The following MYH6 variants were observed in gnomAD, a reference collection of about 807,000 sequenced individuals.
The protein encoded by MYH6 is myosin-6.
A neutral mutation model predicts 223.2 loss-of-function variants in MYH6; 126 were observed. The ratio of observed to expected loss-of-function variants is 0.56; its 90% CI spans 0.49 to 0.65. The LOEUF (loss-of-function observed/expected upper bound fraction) is 0.65. MYH6 is among the 30% of genes least tolerant of loss of function. The pLI, the probability that MYH6 is intolerant of heterozygous loss-of-function variation, is 0.00. For missense variants in MYH6, 2,040 were observed against 2,536.4 expected (o/e 0.80, Z 4.20); for synonymous variants, 978 against 1,010.2 (o/e 0.97, Z 0.61).
At position 23,397,955 on chromosome 14, in the gene MYH6, C is replaced by CTTCTTCTTCTTT. The variant is rs1566512474; in HGVS notation, c.1892-343_1892-342insAAAGAAGAAGAA. 4.3e-3 allele frequency among the ~76,000 whole-genome samples: 414 copies of CTTCTTCTTCTTT among 96,886 alleles called. 8 individuals are homozygous for CTTCTTCTTCTTT. Among genetic ancestry groups the CTTCTTCTTCTTT allele is most frequent in the African/African-American group, 7.3e-3 (174 of 23,702 alleles). 63.6% of individuals were successfully genotyped at this position (96,886 alleles called of 152,430 possible). A position where few individuals can be genotyped will look rare whatever the true frequency, so the allele number is the denominator to read the frequency against. ...TCCTCTTCTTCTTCTTCTTCTTCTTCTTCTTCTTCTTCTTCTTCTTCTTCT... is the reference window on the plus strand; with the variant it reads ...TCCTCTTCTTCTTCTTCTTCTTCTTCTTCTTCTTCTTTTTCTTCTTCTTCTTCTTCTTCTTCT... On this transcript the variant is annotated intron_variant, in intron 15 of 38. Coordinates refer to ENST00000405093, the MANE Select transcript of MYH6 (RefSeq NM_002471.4).
In MYH6 at chr14:23,401,826, G is replaced by A. The variant is rs375362408; in HGVS notation, c.1141+638C>T. On this transcript the variant is annotated intron_variant, in intron 12 of 38. Transcript: ENST00000405093. The stretch of plus-strand genomic sequence containing the variant: ...CAACATGGGTATTTCTCTGTTTAGA[G>A]GAGGAGTTATTTGGTGTAATTTCAA... Among the ~76,000 whole-genome samples, 17 of 152,336 alleles carry A rather than the reference G, an allele frequency of 1.1e-4. No homozygotes were observed. The East Asian group carries it at 2.1e-3, about 19-fold the overall frequency.
intron 25 of MYH6, among the ~76,000 whole-genome samples, chr14:23,391,197 T>C (rs1891227535): frequency 6.6e-6 from 1 of 152,308 alleles, no homozygotes. Context: ...AAACGGGGGT[T>C]CAGTGGAAAT....
chr14:23,392,159 C>T (rs1004009530), intron 25 of MYH6, among the ~76,000 whole-genome samples: 2 of 150,866 alleles, frequency 1.3e-5, no homozygotes, highest in South Asian at 2.1e-4. Flanking sequence ...GGGTTAGTAC[C>T]GGGAAGAATA....
In MYH6 at chr14:23,407,444, T is replaced by C. The variant is rs1891825390; in HGVS notation, c.-14+132A>G. 2.6e-6 allele frequency: 3 copies of C among 1,149,708 alleles called. No individual in the cohort carries two copies. Among genetic ancestry groups the C allele is most frequent in the Non-Finnish European group, 2.4e-6 (2 of 840,678 alleles). The allele number at this position is 1,149,708 out of a possible 1,614,324, so 71.2% of individuals were successfully genotyped here. On this transcript the variant is annotated intron_variant, in intron 2 of 38. Transcript: ENST00000405093. This position sits in a 1 kb window ranked among gnomAD's most constrained non-coding sequence, Gnocchi z 5.6. The stretch of plus-strand genomic sequence containing the variant: ...GGACAATCTCTGTAAGGGGTTTCCC[T>C]GGGGTGGCATTGGCTGGAGTATGCT...
intron 10 of MYH6, 22 bp downstream of exon 10, chr14:23,403,326 G>A: frequency 6.3e-7 from 1 of 1,590,300 alleles, no homozygotes; most frequent in South Asian, 1.1e-5. Context: ...AGCAGTGGGT[G>A]GGGGGTGGCA....
chr14:23,399,154 G>A, intron 14 of MYH6, 117 bp from the exon 15 acceptor site: 2 of 1,273,374 alleles, frequency 1.6e-6, no homozygotes, highest in Non-Finnish European at 2.3e-6. Flanking sequence ...CTGCTGAAGG[G>A]GCGCTGTGCT....
At position 23,384,490 on chromosome 14, in the gene MYH6, C is replaced by T. The variant is rs906136450; in HGVS notation, c.5517G>A (p.Val1839=). The stretch of plus-strand genomic sequence containing the variant: ...GCCGCTCGCTCTTCCTCATGCCCTT[C>T]ACCGACTCTGCGTTGCGCTTCTGCT... ...EAEQKRNAES[V]KGMRKSERRI... Residue 1839 remains valine (V), a synonymous_variant, in exon 36 of 39, where the codon GTG becomes GTA. Transcript: ENST00000405093. The T allele has an allele frequency of 6.2e-7, 1 of 1,612,960 alleles. No homozygotes were observed. The highest frequency in any genetic ancestry group is 1.3e-5 in the African/African-American group (1 of 75,060).
rs538318997 is a variant in MYH6, at chr14:23,403,453, T to G, written c.800-7A>C. 81 of 1,610,394 alleles carry G rather than the reference T, an allele frequency of 5.0e-5. No homozygotes were observed. The South Asian group carries it at 6.3e-4, about 12-fold the overall frequency. The stretch of plus-strand genomic sequence containing the variant: ...CGGGACTTCTCCAGCAGGTCTGAGG[T>G]GGGTGGAGGGGAGGAAGGCAGGTGA... On this transcript the variant is annotated splice_polypyrimidine_tract_variant and splice_region_variant and intron_variant, in intron 9 of 38. Coordinates refer to ENST00000405093, the MANE Select transcript of MYH6 (RefSeq NM_002471.4).
Position 23,403,334 on chromosome 14 carries a change from G to A in MYH6, c.898+14C>T. On this transcript the variant is annotated intron_variant, in intron 10 of 38. Coordinates refer to ENST00000405093, the MANE Select transcript of MYH6 (RefSeq NM_002471.4). ...CAGGGACAGCAGTGGGTGGGGGGTG[G>A]CAGGCAGGTTCACCCAGCAACTCCG... The A allele has an allele frequency of 6.2e-7, 1 of 1,604,520 alleles. No individual in the cohort carries two copies. The highest frequency in any genetic ancestry group is 8.5e-7 in the Non-Finnish European group (1 of 1,171,368).
chr14:23,397,641 C>T (rs1177453457), intron 15 of MYH6, 28 bp from the exon 16 acceptor site: 3 of 1,612,120 alleles, frequency 1.9e-6, no homozygotes, highest in Non-Finnish European at 2.5e-6. Context: ...AAATAATCAA[C>T]AGGAGCTGGA....
chr14:23,399,954 T>C, intron 14 of MYH6: 1 of 446,280 alleles, frequency 2.2e-6, no homozygotes, highest in Admixed American at 3.4e-5. Context: ...CAGCCTAGGA[T>C]CTTTCCATGA....
chr14:23,396,111 AAAAAAGAAG>A (rs565893614), intron 20 of MYH6, among the ~76,000 whole-genome samples, 164 bp downstream of exon 20: 3,236 of 150,650 alleles, frequency 0.021, 50 homozygotes, highest in Non-Finnish European at 0.035. Context: ...TTTAAAAAAA[AAAAAAGAAG>A]AAGAAGAAGA....
In MYH6 at chr14:23,397,166, T is replaced by G; in HGVS notation, c.2050+4A>C. On this transcript the variant is annotated splice_donor_region_variant and intron_variant, in intron 17 of 38. Coordinates refer to ENST00000405093, the MANE Select transcript of MYH6 (RefSeq NM_002471.4). The stretch of plus-strand genomic sequence containing the variant: ...CCCCAGACTAAGGTCTTCTCCTGGC[T>G]CACCTGGAGCCTTCCGCTCATTGGG... 6.2e-7 allele frequency: 1 copy of G among 1,614,192 alleles called. No individual in the cohort carries two copies. Among genetic ancestry groups the G allele is most frequent in the South Asian group, 1.1e-5 (1 of 91,086 alleles).
In MYH6 at chr14:23,385,019, T is replaced by C. The variant is rs1890978268; in HGVS notation, c.5186A>G (p.Lys1729Arg). The C allele has an allele frequency of 6.2e-7, 1 of 1,614,226 alleles. No individual in the cohort carries two copies. Among genetic ancestry groups the C allele is most frequent in the Non-Finnish European group, 8.5e-7 (1 of 1,180,032 alleles). ...HSQNTSLINQKKKMESDLTQL... is the reference protein window; with the variant it reads ...HSQNTSLINQRKKMESDLTQL... ...GGTCAGATCCGACTCCATCTTCTTC[T>C]TCTGGTTGATGAGGCTGGTGTTCTA... The change falls in exon 35 of 39, where the codon AAG (lysine) becomes AGG (arginine). Residue 1729 changes from lysine to arginine, a missense_variant. Coordinates refer to ENST00000405093, the MANE Select transcript of MYH6 (RefSeq NM_002471.4).
chr14:23,385,835 G>A, intron 34 of MYH6, 93 bp downstream of exon 34: 2 of 1,553,822 alleles, frequency 1.3e-6, no homozygotes, highest in Non-Finnish European at 1.8e-6. Context: ...TGTGACCCTG[G>A]CTAGATGTGC....
At position 23,388,074 on chromosome 14, in the gene MYH6, G is replaced by A. The variant is rs532833638; in HGVS notation, c.4359+81C>T. 25 of 1,610,124 alleles carry A rather than the reference G, an allele frequency of 1.6e-5. No homozygotes were observed. The East Asian group carries it at 5.4e-4, about 34-fold the overall frequency. On this transcript the variant is annotated intron_variant, in intron 30 of 38. Transcript: ENST00000405093. ...CTTAGCCCTCCTCCTCCACCTCCAA[G>A]GAGGTTGCCTTTGGCCTCTCACTGA...
chr14:23,402,906 G>A (rs1015561948), intron 10 of MYH6, 106 bp from the exon 11 acceptor site: 5 of 793,830 alleles, frequency 6.3e-6, no homozygotes, highest in South Asian at 2.9e-5. Flanking sequence ...GGTAAGGGAC[G>A]GGGTGAATGG....
At chr14:23,403,856 G>T in intron 8 of MYH6, 78 bp from the exon 9 acceptor site, 1 of 1,280,198 alleles carries the variant, frequency 7.8e-7, no homozygotes, top group Non-Finnish European at 1.1e-6. Flanking sequence ...CAGCCCAGAA[G>T]CCCTGGATGG....
Position 23,392,667 on chromosome 14 carries a change from TGG to T in MYH6, c.3252-17_3252-16del. 1.9e-6 allele frequency: 1 copy of T among 516,140 alleles called. No individual in the cohort carries two copies. The highest frequency in any genetic ancestry group is 3.1e-6 in the Non-Finnish European group (1 of 321,462). 32.0% of individuals were successfully genotyped at this position (516,140 alleles called of 1,614,324 possible). ...CAAACTCCTTCCTGCAGGAGAAGGG[TGG>T]GGGTGGGGGAGTGACAGGTAGCCTT... is the stretch of plus-strand genomic sequence containing the variant. On this transcript the variant is annotated splice_polypyrimidine_tract_variant and intron_variant, in intron 24 of 38. Coordinates refer to ENST00000405093, the MANE Select transcript of MYH6 (RefSeq NM_002471.4).
Sources: allele counts gnomAD v4.1 joint callset (sites outside exome capture counted in the v4.1 genomes callset), GRCh38; gene constraint gnomAD v4.1.1; non-coding constraint Gnocchi (gnomAD v3.1); transcripts MANE v1.5; gene names NCBI Gene and HGNC (gene_info 2026-07-23, HGNC 2026-07-21).